MSRA: variants seen among roughly 807,000 people sequenced by gnomAD.
MSRA encodes mitochondrial peptide methionine sulfoxide reductase.
Under a neutral mutation model 31.3 loss-of-function variants are expected in MSRA, and 54 were observed. That is an observed-to-expected ratio of 1.73 (90% CI 1.39 to 2.17). The LOEUF is 2.17. MSRA is among the 30% of genes most tolerant of loss of function. The probability of loss-of-function intolerance (pLI) is 0.00; values close to 1 mark genes in which losing one functional copy is unlikely to be tolerated. For missense variants in MSRA, 507 were observed against 300.9 expected (o/e 1.69, Z -5.07); for synonymous variants, 169 against 116.5 (o/e 1.45, Z -2.90).
At chr8:10,292,538 C>T (rs1333057225) in intron 3 of MSRA, among the ~76,000 whole-genome samples, 2 of 152,274 alleles carry the variant, frequency 1.3e-5, no homozygotes, top group Non-Finnish European at 1.5e-5. Flanking sequence ...CCTCCACCGT[C>T]GGTCCTCTTC....
At chr8:10,191,154 A>G (rs1807470059) in intron 1 of MSRA, among the ~76,000 whole-genome samples, 1 of 152,188 alleles carries the variant, frequency 6.6e-6, no homozygotes, top group African/African-American at 2.4e-5. Flanking sequence ...AACAATTTTA[A>G]TGTTTAGATT....
chr8:10,181,075 G>C (rs1217704715), intron 1 of MSRA, among the ~76,000 whole-genome samples: 2 of 152,194 alleles, frequency 1.3e-5, no homozygotes, highest in African/African-American at 4.8e-5. Flanking sequence ...ACTGGAGATA[G>C]GTGAGAATGA....
intron 5 of MSRA, among the ~76,000 whole-genome samples, chr8:10,371,323 G>A (rs79664008): frequency 0.055 from 8,364 of 152,054 alleles, 315 homozygotes; most frequent in South Asian, 0.13. Flanking sequence ...CTTCCTGAGC[G>A]CGCTCTCATG....
intron 5 of MSRA, among the ~76,000 whole-genome samples, chr8:10,335,256 T>G (rs996510410): frequency 2.7e-5 from 4 of 146,924 alleles, no homozygotes; most frequent in African/African-American, 2.5e-5. Context: ...CTCTGTTTTT[T>G]TTTTTTTTTT....
intron 1 of MSRA, among the ~76,000 whole-genome samples, chr8:10,090,937 T>C (rs1361799647): frequency 6.6e-6 from 1 of 152,246 alleles, no homozygotes. Context: ...CATCAGCTGC[T>C]GAACATGGGG....
intron 3 of MSRA, chr8:10,250,634 C>G: frequency 1.6e-6 from 1 of 606,754 alleles, no homozygotes; most frequent in South Asian, 2.0e-5. Context: ...GCAGAGGTTT[C>G]GAGCAGGAGC....
intron 3 of MSRA, among the ~76,000 whole-genome samples, chr8:10,276,123 C>T (rs938281145): frequency 2.0e-5 from 3 of 152,148 alleles, no homozygotes; most frequent in African/African-American, 7.2e-5. Flanking sequence ...ACAGGCGACA[C>T]ATGTAGGGTG....
chr8:10,080,251 C>G (rs76939060), intron 1 of MSRA, among the ~76,000 whole-genome samples: 4,247 of 152,102 alleles, frequency 0.028, 85 homozygotes, highest in Non-Finnish European at 0.049. Flanking sequence ...TGCCTAGGAA[C>G]TAACTTTATC....
chr8:10,207,853 A>G lies in MSRA; in HGVS notation c.163A>G (p.Asn55Asp). 1 of 1,612,618 alleles carries G rather than the reference A, an allele frequency of 6.2e-7. No individual in the cohort carries two copies. Among genetic ancestry groups the G allele is most frequent in the African/African-American group, 1.3e-5 (1 of 74,948 alleles). The change falls in exon 2 of 6, where the codon AAC (asparagine) becomes GAC (aspartate). Residue 55 changes from asparagine (N) to aspartate (D), a missense_variant. Asn to Asp is a conservative substitution (Grantham distance 23). Transcript: ENST00000317173. ...TCTAGCCAAACATCATGTCAATGGC[A>G]ACAGAACAGTCGAACCTTTCCCAGA... The part of the protein sequence containing the change: ...PVAAKHHVNG[N>D]RTVEPFPEGT...
chr8:10,321,275 T>C (rs537868749), intron 5 of MSRA, among the ~76,000 whole-genome samples: 46 of 152,326 alleles, frequency 3.0e-4, no homozygotes, highest in South Asian at 6.2e-4. Context: ...TAGAAGCTAC[T>C]ATAAAGCTAA....
chr8:10,231,033 A>C (rs185204936), intron 2 of MSRA, among the ~76,000 whole-genome samples: 1 of 152,054 alleles, frequency 6.6e-6, no homozygotes, highest in Non-Finnish European at 1.5e-5. Flanking sequence ...GATTCCCCCC[A>C]CCTTGGCCTC....
Position 10,421,738 on chromosome 8 carries a change from T to C in MSRA, c.544-6410T>C, listed in dbSNP as rs138634612. ...GGCTGCTTTTCGTGCATCTGTGGTG[T>C]TCCTATGAGTCGCTGGAGCTGGAGA... On this transcript the variant is annotated intron_variant, in intron 5 of 5. Transcript: ENST00000317173. 2.7e-4 allele frequency among the ~76,000 whole-genome samples: 41 copies of C among 152,274 alleles called. 1 individual carries two copies. In the East Asian group the frequency reaches 4.4e-3, roughly 17 times the overall value.
chr8:10,144,600 C>T (rs1057224826), intron 1 of MSRA, among the ~76,000 whole-genome samples: 42 of 151,996 alleles, frequency 2.8e-4, no homozygotes, highest in Admixed American at 1.1e-3. Context: ...GCTTCCCCCC[C>T]TCCTCCCCCT....
In MSRA at chr8:10,396,928, C is replaced by T. The variant is rs183253597; in HGVS notation, c.544-31220C>T. Among the ~76,000 whole-genome samples, 13 of 152,296 alleles carry T rather than the reference C, an allele frequency of 8.5e-5. No homozygotes were observed. The East Asian group carries it at 1.7e-3, about 20-fold the overall frequency. ...CTCCAAGGCATGACCTCTTGGGTGC[C>T]GATGCCATCAGTCGGCTTCCAAACC... On this transcript the variant is annotated intron_variant, in intron 5 of 5. Coordinates refer to ENST00000317173, the MANE Select transcript of MSRA (RefSeq NM_012331.5).
intron 4 of MSRA, among the ~76,000 whole-genome samples, chr8:10,315,446 C>G (rs561224290): frequency 2.4e-4 from 36 of 152,322 alleles, no homozygotes; most frequent in African/African-American, 8.4e-4. Flanking sequence ...TGTGAGTATT[C>G]ACTTTATAAT....
At chr8:10,207,110 A>G (rs535593819) in intron 1 of MSRA, among the ~76,000 whole-genome samples, 4 of 152,342 alleles carry the variant, frequency 2.6e-5, no homozygotes, top group African/African-American at 9.6e-5. Flanking sequence ...GAATACTCAT[A>G]TTGTCTATTG....
At chr8:10,405,977 G>C (rs1210674663) in intron 5 of MSRA, among the ~76,000 whole-genome samples, 2 of 152,284 alleles carry the variant, frequency 1.3e-5, no homozygotes, top group East Asian at 1.9e-4. Context: ...GGGCAGAGGA[G>C]ACTGAGACTG....
intron 1 of MSRA, among the ~76,000 whole-genome samples, chr8:10,109,767 A>T (rs921466664): frequency 6.6e-6 from 1 of 152,184 alleles, no homozygotes; most frequent in African/African-American, 2.4e-5. Context: ...TAATGAGGAG[A>T]TGAAGTCATT....
chr8:10,193,283 C>T (rs534898390), intron 1 of MSRA, among the ~76,000 whole-genome samples: 15 of 152,330 alleles, frequency 9.8e-5, no homozygotes, highest in East Asian at 1.9e-4. Context: ...CCCCATTCAG[C>T]GCATGGCTTT....
Sources: allele counts gnomAD v4.1 joint callset (sites outside exome capture counted in the v4.1 genomes callset), GRCh38; gene constraint gnomAD v4.1.1; transcripts MANE v1.5; gene names NCBI Gene and HGNC (gene_info 2026-07-23, HGNC 2026-07-21).